The following UBE2U variants were observed in gnomAD, a reference collection of about 807,000 sequenced individuals.
The protein encoded by UBE2U is ubiquitin-conjugating enzyme E2 U.
Under a neutral mutation model 41.2 loss-of-function variants are expected in UBE2U, and 39 were observed. The ratio of observed to expected loss-of-function variants is 0.95; its 90% CI spans 0.73 to 1.24. The LOEUF (loss-of-function observed/expected upper bound fraction) is 1.24, where lower values mean the gene tolerates loss of function less well. Ranked by LOEUF, UBE2U falls within the 50% of genes most tolerant of loss-of-function variation. UBE2U has a pLI of 0.00. For synonymous variants in UBE2U, 107 were observed against 117.8 expected, an observed-to-expected ratio of 0.91 and a Z score of 0.60; for missense variants, 336 against 363.1, an observed-to-expected ratio of 0.93 and a Z score of 0.61.
intron 5 of UBE2U, 69 bp from the exon 6 acceptor site, chr1:64,220,790 A>G: frequency 9.0e-7 from 1 of 1,114,060 alleles, no homozygotes; most frequent in Admixed American, 2.0e-5. Context: ...GGCTTTGGAA[A>G]TAGTGCACAT....
chr1:64,248,775 T>C (rs918762848), intron 8 of UBE2U, among the ~76,000 whole-genome samples: 2 of 152,196 alleles, frequency 1.3e-5, no homozygotes, highest in Admixed American at 6.5e-5. Context: ...AATCAAGTTA[T>C]GTTGTTTTCT....
intron 8 of UBE2U, among the ~76,000 whole-genome samples, chr1:64,259,355 T>C (rs936995560): frequency 2.6e-5 from 4 of 152,134 alleles, no homozygotes; most frequent in Non-Finnish European, 4.4e-5. Context: ...GTTTGGCTTT[T>C]GTTGCCGTTG....
At position 64,239,172 on chromosome 1, in the gene UBE2U, G is replaced by GAAGAAGA. The variant is rs1553169045; in HGVS notation, c.596-2478_596-2472dup. ...GAAGAAGAAGAAAGAAGAAGAAGAAGAAGAAGAAGAAGAAGAAGAAAGCCC... is the reference window on the plus strand; with the variant it reads ...GAAGAAGAAGAAAGAAGAAGAAGAAGAAGAAGAAAGAAGAAGAAGAAGAAGAAAGCCC... On this transcript the variant is annotated intron_variant, in intron 7 of 9. Coordinates refer to ENST00000371077, the MANE Select transcript of UBE2U (RefSeq NM_001366232.2). Among the ~76,000 whole-genome samples the GAAGAAGA allele has an allele frequency of 4.9e-3, 467 of 95,498 alleles. 11 individuals carry two copies. Among genetic ancestry groups the GAAGAAGA allele is most frequent in the Non-Finnish European group, 6.5e-3 (320 of 49,106 alleles). The allele number at this position is 95,498 out of a possible 152,430, so 62.7% of individuals were successfully genotyped here. A position where few individuals can be genotyped will look rare whatever the true frequency, so the allele number is the denominator to read the frequency against.
chr1:64,232,730 GAC>G (rs1644593597), intron 7 of UBE2U, 81 bp downstream of exon 7: 14 of 1,041,368 alleles, frequency 1.3e-5, no homozygotes, highest in Non-Finnish European at 1.7e-5. Flanking sequence ...AAGACTAATT[GAC>G]ACACATCTGC....
intron 3 of UBE2U, 106 bp from the exon 4 acceptor site, chr1:64,210,636 G>A: frequency 1.4e-6 from 1 of 704,322 alleles, no homozygotes; most frequent in Non-Finnish European, 2.1e-6. Flanking sequence ...CTAGGAAAAA[G>A]GAAGAGTAAA....
intron 8 of UBE2U, among the ~76,000 whole-genome samples, chr1:64,256,567 T>C (rs1645095232): frequency 6.6e-6 from 1 of 152,304 alleles, no homozygotes; most frequent in South Asian, 2.1e-4. Flanking sequence ...GCTAGCCATA[T>C]GCAGAAAATT....
At chr1:64,222,856 A>T (rs1411739358) in intron 6 of UBE2U, among the ~76,000 whole-genome samples, 1 of 152,228 alleles carries the variant, frequency 6.6e-6, no homozygotes, top group Non-Finnish European at 1.5e-5. Flanking sequence ...TATTCCAAAG[A>T]TATATCCAGG....
intron 8 of UBE2U, 106 bp downstream of exon 8, chr1:64,241,839 C>A: frequency 1.3e-6 from 1 of 752,156 alleles, no homozygotes; most frequent in Non-Finnish European, 2.2e-6. Context: ...TTGGAAATAA[C>A]AACTTATACC....
chr1:64,262,512 C>T (rs564432036), intron 9 of UBE2U, among the ~76,000 whole-genome samples: 4 of 152,198 alleles, frequency 2.6e-5, no homozygotes, highest in Admixed American at 6.5e-5. Flanking sequence ...CCATTTTCTT[C>T]TGTCTTTAGG....
intron 6 of UBE2U, among the ~76,000 whole-genome samples, chr1:64,226,979 A>G (rs571464884): frequency 3.7e-4 from 57 of 152,360 alleles, no homozygotes; most frequent in African/African-American, 1.3e-3. Flanking sequence ...TTAATATTCA[A>G]ACATCAATTT....
At chr1:64,219,266 C>T (rs1343792503) in intron 5 of UBE2U, among the ~76,000 whole-genome samples, 1 of 152,040 alleles carries the variant, frequency 6.6e-6, no homozygotes, top group Non-Finnish European at 1.5e-5. Flanking sequence ...TAGTGTTGCT[C>T]TTGAGAAGTC....
In UBE2U at chr1:64,252,580, G is replaced by A. The variant is rs111820008; in HGVS notation, c.678-8023G>A. Reference sequence around the variant, plus strand: ...TGCCATCTTTGCTGTTTTGCAGCCCGCACTGGTGATACTTCCAAGTACAGG... The same window carrying A: ...TGCCATCTTTGCTGTTTTGCAGCCCACACTGGTGATACTTCCAAGTACAGG... On this transcript the variant is annotated intron_variant, in intron 8 of 9. Transcript: ENST00000371077. Among the ~76,000 whole-genome samples, 247 of 152,262 alleles carry A rather than the reference G, an allele frequency of 1.6e-3. 2 individuals carry two copies. Among genetic ancestry groups the A allele is most frequent in the Middle Eastern group, 0.01 (3 of 294 alleles).
intron 6 of UBE2U, among the ~76,000 whole-genome samples, chr1:64,226,888 C>G (rs1652909906): frequency 6.6e-6 from 1 of 152,112 alleles, no homozygotes; most frequent in African/African-American, 2.4e-5. Flanking sequence ...TGCATAAACT[C>G]TAATCAAAAT....
At chr1:64,265,899 A>G (rs115269467) in intron 9 of UBE2U, among the ~76,000 whole-genome samples, 1 of 152,116 alleles carries the variant, frequency 6.6e-6, no homozygotes, top group Admixed American at 6.5e-5. Context: ...CTTTCTATAA[A>G]CCAAAGACAG....
chr1:64,266,382 G>A (rs1298437239), intron 9 of UBE2U, among the ~76,000 whole-genome samples: 1 of 152,104 alleles, frequency 6.6e-6, no homozygotes, highest in Non-Finnish European at 1.5e-5. Context: ...GACGAGTCTT[G>A]TTATTAGCTG....
chr1:64,241,755 G>A, intron 8 of UBE2U, 22 bp downstream of exon 8: 1 of 1,552,568 alleles, frequency 6.4e-7, no homozygotes, highest in Non-Finnish European at 8.8e-7. Context: ...GAAGTGCCTT[G>A]AATGTGTACA....
chr1:64,234,178 C>T (rs825185), intron 7 of UBE2U, among the ~76,000 whole-genome samples: 1,951 of 152,286 alleles, frequency 0.013, 28 homozygotes, highest in African/African-American at 0.045. Context: ...GACATCTCAC[C>T]TATGTGTATT....
At chr1:64,231,054 C>T (rs2100385054) in intron 6 of UBE2U, among the ~76,000 whole-genome samples, 1 of 152,028 alleles carries the variant, frequency 6.6e-6, no homozygotes, top group Middle Eastern at 3.4e-3. Context: ...TCAGATACTC[C>T]CAAATGTGTA....
intron 8 of UBE2U, among the ~76,000 whole-genome samples, chr1:64,253,452 A>T (rs1645042605): frequency 6.6e-6 from 1 of 152,170 alleles, no homozygotes; most frequent in South Asian, 2.1e-4. Flanking sequence ...CAACCCCAAG[A>T]CACATAATCA....
Sources: allele counts gnomAD v4.1 joint callset (sites outside exome capture counted in the v4.1 genomes callset), GRCh38; gene constraint gnomAD v4.1.1; transcripts MANE v1.5; gene names NCBI Gene and HGNC (gene_info 2026-07-23, HGNC 2026-07-21).